Variants in SEMA6D observed in about 807,000 individuals in gnomAD.
SEMA6D encodes semaphorin 6D.
Under a neutral mutation model 106.6 loss-of-function variants are expected in SEMA6D, and 35 were observed. The observed-to-expected ratio is 0.33, with a 90% CI of 0.25 to 0.44. The LOEUF (loss-of-function observed/expected upper bound fraction) is 0.44, where lower values mean the gene tolerates loss of function less well. Among genes scored for constraint, SEMA6D ranks in the 20% least tolerant of loss-of-function variants. The probability of loss-of-function intolerance (pLI) is 1.00; values close to 1 mark genes in which losing one functional copy is unlikely to be tolerated. For missense variants in SEMA6D, 1,185 were observed against 1,345.9 expected, an observed-to-expected ratio of 0.88 and a Z score of 1.87; for synonymous variants, 499 against 487.7, an observed-to-expected ratio of 1.02 and a Z score of -0.31.
At chr15:47,637,617 G>A (rs2077413321) in intron 4 of SEMA6D, among the ~76,000 whole-genome samples, 1 of 152,170 alleles carries the variant, frequency 6.6e-6, no homozygotes, top group Non-Finnish European at 1.5e-5. Context: ...CACAGACCAG[G>A]TAGTAAATAG....
chr15:47,702,886 GA>G (rs548133930), intron 4 of SEMA6D, among the ~76,000 whole-genome samples: 12 of 152,204 alleles, frequency 7.9e-5, no homozygotes, highest in African/African-American at 2.9e-4. Flanking sequence ...GAACATAGAA[GA>G]TTTTTTTAAG....
At chr15:47,366,640 G>A (rs2039039863) in intron 1 of SEMA6D, among the ~76,000 whole-genome samples, 1 of 152,204 alleles carries the variant, frequency 6.6e-6, no homozygotes, top group Admixed American at 6.5e-5. Flanking sequence ...CCTTGGTCTT[G>A]AGGGATGAGT....
chr15:47,640,042 T>C (rs1321019362), intron 4 of SEMA6D, among the ~76,000 whole-genome samples: 1 of 152,176 alleles, frequency 6.6e-6, no homozygotes, highest in Non-Finnish European at 1.5e-5. Context: ...AAATGTATCA[T>C]AGTAATGTAG....
At chr15:47,600,911 G>A (rs1432839264) in intron 4 of SEMA6D, 18 of 151,970 alleles carry the variant, frequency 1.2e-4, no homozygotes, top group Admixed American at 1.2e-3. Context: ...ACAACATACT[G>A]TTCTCCAATT....
chr15:47,537,943 G>A (rs1044732062), intron 3 of SEMA6D, among the ~76,000 whole-genome samples: 2 of 152,186 alleles, frequency 1.3e-5, no homozygotes, highest in Non-Finnish European at 2.9e-5. Context: ...AGCGATGCAG[G>A]AGAACAGTTA....
chr15:47,760,375 C>A lies in SEMA6D; in HGVS notation c.181C>A (p.Leu61Met), dbSNP rs745751589. 2 of 1,613,618 alleles carry A rather than the reference C, an allele frequency of 1.2e-6. No homozygotes were observed. The highest frequency in any genetic ancestry group is 1.7e-6 in the Non-Finnish European group (2 of 1,179,654). Residue 61 changes from leucine (L) to methionine (M), a missense_variant, in exon 3 of 19, where the codon CTG becomes ATG. Physicochemically the swap from Leu to Met is conservative, Grantham distance 15. Coordinates refer to ENST00000536845, the MANE Select transcript of SEMA6D (RefSeq NM_001358351.3). The stretch of plus-strand genomic sequence containing the variant: ...ATCGCAGCACAGGCTGGACTTTCAG[C>A]TGATGTTGAAAATTCGAGACACACT... The part of the protein sequence containing the change: ...NESQHRLDFQ[L>M]MLKIRDTLYI...
chr15:47,278,198 A>T (rs953147508), intron 1 of SEMA6D, among the ~76,000 whole-genome samples: 4 of 152,194 alleles, frequency 2.6e-5, no homozygotes, highest in East Asian at 3.9e-4. Context: ...ACTGACTTCC[A>T]CAGTGGTTGA....
intron 1 of SEMA6D, among the ~76,000 whole-genome samples, chr15:47,348,411 A>G (rs2413874): frequency 0.011 from 1,715 of 152,238 alleles, 13 homozygotes; most frequent in Non-Finnish European, 0.014. Flanking sequence ...CCATACACAC[A>G]TAAGTACTGC....
intron 1 of SEMA6D, among the ~76,000 whole-genome samples, chr15:47,222,680 T>TC (rs1226309097): frequency 1.3e-5 from 2 of 152,170 alleles, no homozygotes; most frequent in African/African-American, 4.8e-5. Flanking sequence ...TTTAGTCCTG[T>TC]CAGGGTAGTC....
At chr15:47,389,841 A>G (rs1048025385) in intron 1 of SEMA6D, among the ~76,000 whole-genome samples, 1 of 152,112 alleles carries the variant, frequency 6.6e-6, no homozygotes, top group Non-Finnish European at 1.5e-5. Context: ...TTTCAAATAT[A>G]TTCACTTCCA....
At chr15:47,269,784 A>G (rs2034475541) in intron 1 of SEMA6D, among the ~76,000 whole-genome samples, 1 of 152,140 alleles carries the variant, frequency 6.6e-6, no homozygotes, top group South Asian at 2.1e-4. Flanking sequence ...ATTGCATGTT[A>G]TAATATCAGC....
At chr15:47,651,836 G>C (rs1453401432) in intron 4 of SEMA6D, among the ~76,000 whole-genome samples, 1 of 152,132 alleles carries the variant, frequency 6.6e-6, no homozygotes, top group East Asian at 1.9e-4. Flanking sequence ...TTTGGTATCT[G>C]GTCTCCAGGA....
rs764606506 is a variant in SEMA6D, at chr15:47,409,904, G to T, written c.-238-2489G>T. On this transcript the variant is annotated intron_variant, in intron 1 of 19. Coordinates refer to the SEMA6D transcript ENST00000558014. ...GCAAACTATTTTCGGGGTTGTGGGG[G>T]GGGTGGGGAGGCAGGTCTTAGATTT... Among the ~76,000 whole-genome samples, 23 of 152,160 alleles carry T rather than the reference G, an allele frequency of 1.5e-4. No homozygotes were observed. The South Asian group carries it at 3.7e-3, about 25-fold the overall frequency.
intron 1 of SEMA6D, among the ~76,000 whole-genome samples, chr15:47,405,717 C>T (rs2040543135): frequency 6.6e-6 from 1 of 152,140 alleles, no homozygotes; most frequent in Non-Finnish European, 1.5e-5. Flanking sequence ...CTCATATAAA[C>T]TCTGCTGCAC....
At chr15:47,287,943 A>G (rs1485997871) in intron 1 of SEMA6D, among the ~76,000 whole-genome samples, 2 of 152,192 alleles carry the variant, frequency 1.3e-5, no homozygotes, top group East Asian at 1.9e-4. Context: ...ATAATGGTGG[A>G]AGACAAAGGG....
intron 4 of SEMA6D, among the ~76,000 whole-genome samples, chr15:47,612,499 G>C (rs374459118): frequency 1.3e-4 from 20 of 152,166 alleles, no homozygotes; most frequent in African/African-American, 4.8e-4. Context: ...ATGATGCCAT[G>C]AGGGCTAAGG....
At chr15:47,666,247 G>A (rs1223864383) in intron 4 of SEMA6D, among the ~76,000 whole-genome samples, 1 of 152,192 alleles carries the variant, frequency 6.6e-6, no homozygotes, top group Non-Finnish European at 1.5e-5. Flanking sequence ...GCGGTGAAAA[G>A]AAACAAGAAA....
At chr15:47,427,142 T>C (rs771655552) in intron 2 of SEMA6D, among the ~76,000 whole-genome samples, 1 of 152,122 alleles carries the variant, frequency 6.6e-6, no homozygotes, top group Admixed American at 6.6e-5. Flanking sequence ...AGACATGACA[T>C]TGCAAGTATC....
chr15:47,426,300 G>T (rs2140473801), intron 2 of SEMA6D, among the ~76,000 whole-genome samples: 1 of 152,160 alleles, frequency 6.6e-6, no homozygotes, highest in East Asian at 1.9e-4. Flanking sequence ...ACCATGCATG[G>T]CTTTGGTGCT....
Sources: allele counts gnomAD v4.1 joint callset (sites outside exome capture counted in the v4.1 genomes callset), GRCh38; gene constraint gnomAD v4.1.1; transcripts MANE v1.5; gene names NCBI Gene and HGNC (gene_info 2026-07-23, HGNC 2026-07-21).